MGA: variants seen among roughly 807,000 people sequenced by gnomAD.
MGA encodes MAX dimerization protein MGA.
Under a neutral mutation model 261.1 loss-of-function variants are expected in MGA, and 40 were observed. The ratio of observed to expected loss-of-function variants is 0.15; its 90% CI spans 0.12 to 0.20. The LOEUF (loss-of-function observed/expected upper bound fraction) is 0.20, where lower values mean the gene tolerates loss of function less well. Among genes scored for constraint, MGA ranks in the 10% least tolerant of loss-of-function variants. MGA has a pLI of 1.00. For synonymous variants in MGA, 1,302 were observed against 1,290.6 expected (o/e 1.01, Z -0.19); for missense variants, 3,397 against 3,630.5 (o/e 0.94, Z 1.65).
upstream of MGA, among the ~76,000 whole-genome samples, chr15:41,658,804 C>T (rs1455820566): frequency 6.6e-6 from 1 of 151,602 alleles, no homozygotes; most frequent in African/African-American, 2.4e-5. Context: ...TCCCCTTCTT[C>T]CCAAGTTGTC....
At chr15:41,762,505 T>TCGCCC (rs1157172220) in intron 22 of MGA, 143 bp downstream of exon 22, 1 of 604,350 alleles carries the variant, frequency 1.7e-6, no homozygotes, top group East Asian at 3.4e-5. Context: ...GACAGCTCTG[T>TCGCCC]CGCCCAGGCT....
intron 5 of MGA, among the ~76,000 whole-genome samples, chr15:41,705,524 G>A (rs1299368567): frequency 2.0e-5 from 3 of 152,074 alleles, no homozygotes; most frequent in African/African-American, 7.2e-5. Flanking sequence ...ATTACACCCA[G>A]CTAATTTTTA....
chr15:41,651,065 G>A (rs1008297477), intron 1 of MGA, among the ~76,000 whole-genome samples: 2 of 152,110 alleles, frequency 1.3e-5, no homozygotes, highest in African/African-American at 4.8e-5. Context: ...GCAGAAGGGA[G>A]CATGTGAGAT....
At chr15:41,753,818 T>C (rs2062988261) in intron 17 of MGA, among the ~76,000 whole-genome samples, 1 of 152,224 alleles carries the variant, frequency 6.6e-6, no homozygotes, top group African/African-American at 2.4e-5. Flanking sequence ...TATGAAACCT[T>C]AATATATCTG....
At chr15:41,643,157 G>A (rs1282903266) in intron 1 of MGA, among the ~76,000 whole-genome samples, 1 of 150,328 alleles carries the variant, frequency 6.7e-6, no homozygotes, top group African/African-American at 2.4e-5. Flanking sequence ...TCCTGCCTTG[G>A]CCTCTCAAAG....
At chr15:41,700,656 A>C (rs989078155) in intron 5 of MGA, among the ~76,000 whole-genome samples, 1 of 152,168 alleles carries the variant, frequency 6.6e-6, no homozygotes, top group African/African-American at 2.4e-5. Flanking sequence ...TATGTTGCTT[A>C]ATCTTTAAAA....
rs1383615227 is a variant in MGA, at chr15:41,669,407, T to C, written c.513T>C (p.His171=). Residue 171 remains histidine, a synonymous_variant, in exon 2 of 24, where the codon CAT becomes CAC. Coordinates refer to ENST00000219905, the MANE Select transcript of MGA (RefSeq NM_001164273.2). ...CTTCCACAGGTCATTATTGGATGCATCAACCAGTATCTTTCTATAAACTCA... is the reference window on the plus strand; with the variant it reads ...CTTCCACAGGTCATTATTGGATGCACCAACCAGTATCTTTCTATAAACTCA... 12 of 1,614,002 alleles carry C rather than the reference T, an allele frequency of 7.4e-6. No homozygotes were observed. Among genetic ancestry groups the C allele is most frequent in the Non-Finnish European group, 1.0e-5 (12 of 1,179,888 alleles).
rs778009013 is a variant in MGA at position 41,713,128 on chromosome 15, A to G, written c.3085-23A>G. ...TGTAGGGGGATGGTTTAGTGGAATT[A>G]CAATTTTCTCCTTTGACTTTAGGCA... On this transcript the variant is annotated intron_variant, in intron 8 of 23. Transcript: ENST00000219905. 6.9e-6 allele frequency: 11 copies of G among 1,601,136 alleles called. No individual in the cohort carries two copies. In the Admixed American group the frequency reaches 1.7e-4, roughly 24 times the overall value.
chr15:41,764,112 T>A (rs1329735238), intron 22 of MGA, among the ~76,000 whole-genome samples: 1 of 151,612 alleles, frequency 6.6e-6, no homozygotes, highest in South Asian at 2.1e-4. Context: ...TGAGCTGAAA[T>A]CACACCACTG....
chr15:41,763,702 C>G (rs1247117616), intron 22 of MGA, among the ~76,000 whole-genome samples: 1 of 151,862 alleles, frequency 6.6e-6, no homozygotes. Context: ...GAGATCACAC[C>G]ATTGCATTCC....
Position 41,699,165 on chromosome 15 carries a change from A to C in MGA, c.2188+6A>C. 6.5e-7 allele frequency: 1 copy of C among 1,537,702 alleles called. No individual in the cohort carries two copies. Among genetic ancestry groups the C allele is most frequent in the Non-Finnish European group, 8.8e-7 (1 of 1,141,426 alleles). ...ACATCCTGGTCTTCAAGAAGGTAAT[A>C]GACTAGCGACTTCTTTTTTTTTGTT... On this transcript the variant is annotated splice_donor_region_variant and intron_variant, in intron 5 of 23. Coordinates refer to ENST00000219905, the MANE Select transcript of MGA (RefSeq NM_001164273.2).
chr15:41,667,591 G>A (rs558991781), intron 1 of MGA, among the ~76,000 whole-genome samples: 1 of 152,158 alleles, frequency 6.6e-6, no homozygotes, highest in Non-Finnish European at 1.5e-5. Context: ...CGTTGGACAG[G>A]CTGGTCTGGG....
upstream of MGA, among the ~76,000 whole-genome samples, chr15:41,656,090 G>A (rs977334878): frequency 6.6e-6 from 1 of 152,174 alleles, no homozygotes; most frequent in African/African-American, 2.4e-5. Context: ...AATTAACACA[G>A]TTGTGGTAAA....
chr15:41,628,133 G>A (rs1184301512), intron 1 of MGA, among the ~76,000 whole-genome samples: 2 of 152,066 alleles, frequency 1.3e-5, no homozygotes, highest in African/African-American at 4.8e-5. Flanking sequence ...CACTTTGGGA[G>A]GCCGAGGCAG....
rs140247274 is a variant in MGA at position 41,652,961 on chromosome 15, C to A, written c.-67-15867C>A. On this transcript the variant is annotated intron_variant, in intron 1 of 8. Transcript: ENST00000566718. Reference sequence around the variant, plus strand: ...ACTAGTCATGAGATGAAAAATACTGCCTCTGTATAATCGCTACAATTTATA... The same window carrying A: ...ACTAGTCATGAGATGAAAAATACTGACTCTGTATAATCGCTACAATTTATA... Among the ~76,000 whole-genome samples the A allele has an allele frequency of 5.9e-5, 9 of 152,260 alleles. No homozygotes were observed. In the East Asian group the frequency reaches 1.7e-3, roughly 29 times the overall value.
chr15:41,648,624 G>A (rs1196182307), intron 1 of MGA, among the ~76,000 whole-genome samples: 3 of 152,228 alleles, frequency 2.0e-5, no homozygotes, highest in Middle Eastern at 3.4e-3. Context: ...GAAGCAAAGC[G>A]TTTCAGGCAA....
chr15:41,625,485 T>G (rs2140922981), intron 1 of MGA, among the ~76,000 whole-genome samples: 1 of 149,974 alleles, frequency 6.7e-6, no homozygotes, highest in South Asian at 2.3e-4. Flanking sequence ...AGGCACACAC[T>G]AAACGCTTGC....
chr15:41,699,269 TTTC>T, intron 5 of MGA, 110 bp downstream of exon 5: 1 of 716,900 alleles, frequency 1.4e-6, no homozygotes. Flanking sequence ...TTTTTTCCTC[TTTC>T]TTTCTAGCCT....
At chr15:41,709,158 G>T (rs2151458629) in intron 7 of MGA, among the ~76,000 whole-genome samples, 1 of 152,072 alleles carries the variant, frequency 6.6e-6, no homozygotes, top group Non-Finnish European at 1.5e-5. Context: ...ACCAGCCTGG[G>T]CAACATGGTG....
Sources: allele counts gnomAD v4.1 joint callset (sites outside exome capture counted in the v4.1 genomes callset), GRCh38; gene constraint gnomAD v4.1.1; transcripts MANE v1.5; gene names NCBI Gene and HGNC (gene_info 2026-07-23, HGNC 2026-07-21).